MCTP1: variants seen among roughly 807,000 people sequenced by gnomAD.
The protein encoded by MCTP1 is multiple C2 and transmembrane domain containing 1.
In MCTP1, 69 loss-of-function variants were observed where a neutral mutation model predicts 120.6. The observed-to-expected ratio is 0.57, with a 90% confidence interval of 0.47 to 0.70. MCTP1 has a LOEUF of 0.70. Among genes scored for constraint, MCTP1 ranks in the 30% least tolerant of loss-of-function variants. The probability of loss-of-function intolerance (pLI) is 0.00; values close to 1 mark genes in which losing one functional copy is unlikely to be tolerated. For missense variants in MCTP1, 1,203 were observed against 1,248.8 expected, an observed-to-expected ratio of 0.96 and a Z score of 0.55; for synonymous variants, 529 against 493.1, an observed-to-expected ratio of 1.07 and a Z score of -0.96.
At chr5:94,917,803 G>T in intron 8 of MCTP1, 93 bp downstream of exon 8, 1 of 887,226 alleles carries the variant, frequency 1.1e-6, no homozygotes, top group Non-Finnish European at 1.9e-6. Flanking sequence ...GGTTAGTATA[G>T]GGAGTGGGTT....
chr5:95,274,732 T>C (rs1759682821), intron 1 of MCTP1, among the ~76,000 whole-genome samples: 1 of 152,106 alleles, frequency 6.6e-6, no homozygotes, highest in Non-Finnish European at 1.5e-5. Context: ...CATGCCATTC[T>C]CCTGCCTCAG....
intron 19 of MCTP1, among the ~76,000 whole-genome samples, chr5:94,727,089 C>T (rs948303628): frequency 6.6e-6 from 1 of 152,070 alleles, no homozygotes; most frequent in Non-Finnish European, 1.5e-5. Flanking sequence ...TAAATTACTC[C>T]CTTACAGAAA....
chr5:95,205,483 G>A (rs143010095), intron 1 of MCTP1, among the ~76,000 whole-genome samples: 7 of 152,110 alleles, frequency 4.6e-5, no homozygotes, highest in Admixed American at 1.3e-4. Flanking sequence ...AAAAAATAAC[G>A]GTACTTCATC....
intron 1 of MCTP1, among the ~76,000 whole-genome samples, chr5:95,024,423 A>G (rs1383275391): frequency 6.6e-6 from 1 of 152,124 alleles, no homozygotes; most frequent in East Asian, 1.9e-4. Context: ...TTTGTGATAA[A>G]AGCTCTCAAC....
chr5:95,230,798 G>T (rs1754849090), intron 1 of MCTP1, among the ~76,000 whole-genome samples: 1 of 152,140 alleles, frequency 6.6e-6, no homozygotes, highest in Admixed American at 6.5e-5. Context: ...AATTTGACGT[G>T]AATTGACACT....
chr5:95,193,576 T>C (rs1426134295), intron 1 of MCTP1, among the ~76,000 whole-genome samples: 1 of 152,190 alleles, frequency 6.6e-6, no homozygotes, highest in African/African-American at 2.4e-5. Flanking sequence ...TCAAGCTCAC[T>C]GAAAAGCTTT....
chr5:95,007,014 GA>G (rs1834895930), intron 2 of MCTP1, among the ~76,000 whole-genome samples: 1 of 152,152 alleles, frequency 6.6e-6, no homozygotes, highest in East Asian at 1.9e-4. Context: ...ATAAAGGAAA[GA>G]AGTGTAATTG....
At position 94,733,963 on chromosome 5, in the gene MCTP1, G is replaced by GAA. The variant is rs34669127; in HGVS notation, c.2611-19079_2611-19078dup. Among the ~76,000 whole-genome samples, 358 of 134,344 alleles carry GAA rather than the reference G, an allele frequency of 2.7e-3. 1 individual carries two copies. The highest frequency in any genetic ancestry group is 7.9e-3 in the African/African-American group (286 of 36,270). The allele number at this position is 134,344 out of a possible 152,430, so 88.1% of individuals were successfully genotyped here. Reference sequence around the variant, plus strand: ...TAGGCAACATAGCAAGACTCTGTCTGAAAAAAAAAAAAAGAAAAGAAAAGA... The same window carrying GAA: ...TAGGCAACATAGCAAGACTCTGTCTGAAAAAAAAAAAAAAAGAAAAGAAAAGA... On this transcript the variant is annotated intron_variant, in intron 19 of 22. Coordinates refer to ENST00000515393, the MANE Select transcript of MCTP1 (RefSeq NM_024717.7).
chr5:94,796,665 T>TGTA (rs1780149613), intron 18 of MCTP1, among the ~76,000 whole-genome samples: 1 of 145,626 alleles, frequency 6.9e-6, no homozygotes, highest in African/African-American at 2.5e-5. Context: ...ATATTATATA[T>TGTA]ATATGTATTC....
At chr5:94,819,113 T>TCA (rs1223857564) in intron 17 of MCTP1, among the ~76,000 whole-genome samples, 37 of 145,604 alleles carry the variant, frequency 2.5e-4, no homozygotes, top group African/African-American at 5.0e-4. Context: ...ATTTATTTAT[T>TCA]TATTTATTCA....
At chr5:94,788,521 A>G (rs1472501165) in intron 18 of MCTP1, among the ~76,000 whole-genome samples, 1 of 152,200 alleles carries the variant, frequency 6.6e-6, no homozygotes, top group African/African-American at 2.4e-5. Context: ...TTTCTGAACC[A>G]AGGACAATAA....
chr5:95,149,234 T>C (rs1760678468), intron 1 of MCTP1, among the ~76,000 whole-genome samples: 1 of 152,178 alleles, frequency 6.6e-6, no homozygotes, highest in Non-Finnish European at 1.5e-5. Context: ...AGATAGGCCA[T>C]ACCCTTCCCA....
intron 1 of MCTP1, among the ~76,000 whole-genome samples, chr5:95,215,108 C>G (rs1752890389): frequency 6.6e-6 from 1 of 152,164 alleles, no homozygotes; most frequent in African/African-American, 2.4e-5. Context: ...TATGTATGTA[C>G]CATGATCACG....
intron 17 of MCTP1, among the ~76,000 whole-genome samples, chr5:94,843,472 G>A (rs1354291717): frequency 2.0e-5 from 3 of 152,172 alleles, no homozygotes; most frequent in Admixed American, 2.0e-4. Context: ...CCTAGAAGAT[G>A]GAATACATGG....
At chr5:94,965,269 C>T (rs1356460863) in intron 2 of MCTP1, among the ~76,000 whole-genome samples, 1 of 152,096 alleles carries the variant, frequency 6.6e-6, no homozygotes. Flanking sequence ...CCAGCTGGTG[C>T]TAGAGTGGGC....
At chr5:94,752,835 A>G (rs1768817277) in intron 19 of MCTP1, among the ~76,000 whole-genome samples, 1 of 152,234 alleles carries the variant, frequency 6.6e-6, no homozygotes, top group Non-Finnish European at 1.5e-5. Context: ...TATTGATTAT[A>G]GCAGGATAAC....
At chr5:95,213,563 CT>C (rs1353704145) in intron 1 of MCTP1, among the ~76,000 whole-genome samples, 1 of 151,882 alleles carries the variant, frequency 6.6e-6, no homozygotes, top group Non-Finnish European at 1.5e-5. Context: ...CAAGTCAATC[CT>C]AAGCCAAAAG....
chr5:94,992,241 AC>A (rs1243675870), intron 2 of MCTP1, among the ~76,000 whole-genome samples: 1 of 152,216 alleles, frequency 6.6e-6, no homozygotes, highest in Non-Finnish European at 1.5e-5. Context: ...ATATTCACTA[AC>A]TTCACCAATA....
At chr5:94,870,021 C>T (rs1797530424) in intron 16 of MCTP1, among the ~76,000 whole-genome samples, 2 of 152,056 alleles carry the variant, frequency 1.3e-5, no homozygotes, top group Non-Finnish European at 2.9e-5. Context: ...CTGCATCATA[C>T]CTGTGGGTGG....
Sources: gnomAD v4.1 joint callset for allele counts (sites outside exome capture counted in the v4.1 genomes callset) on GRCh38, gnomAD v4.1.1 for gene constraint, MANE v1.5 for transcripts, NCBI Gene and HGNC (gene_info 2026-07-23, HGNC 2026-07-21) for gene names.